Variants in C10orf90 observed in about 807,000 individuals in gnomAD.
C10orf90 encodes (E2-independent) E3 ubiquitin-conjugating enzyme FATS.
Under a neutral mutation model 62.5 loss-of-function variants are expected in C10orf90, and 56 were observed. The observed-to-expected ratio is 0.90, with a 90% CI of 0.72 to 1.12. C10orf90 has a LOEUF of 1.12. Among genes scored for constraint, C10orf90 ranks in the 50% most tolerant of loss-of-function variants. The pLI, the probability that C10orf90 is intolerant of heterozygous loss-of-function variation, is 0.00. For synonymous variants in C10orf90, 386 were observed against 340.4 expected, an observed-to-expected ratio of 1.13 and a Z score of -1.47; for missense variants, 970 against 880.4, an observed-to-expected ratio of 1.10 and a Z score of -1.29.
intron 2 of C10orf90, among the ~76,000 whole-genome samples, chr10:126,535,704 G>A (rs78940063): frequency 0.011 from 1,675 of 152,180 alleles, 38 homozygotes; most frequent in African/African-American, 0.038. Flanking sequence ...AAAAATGGCC[G>A]TTTCTTCCAC....
intron 4 of C10orf90, among the ~76,000 whole-genome samples, chr10:126,466,555 G>C (rs980460452): frequency 1.3e-5 from 2 of 152,172 alleles, no homozygotes; most frequent in Non-Finnish European, 2.9e-5. Flanking sequence ...AGGCTGTGTG[G>C]GGTGGGGCCA....
intron 2 of C10orf90, among the ~76,000 whole-genome samples, chr10:126,530,074 T>C (rs190914285): frequency 6.6e-6 from 1 of 152,312 alleles, no homozygotes; most frequent in Admixed American, 6.5e-5. Flanking sequence ...TATAAGACTG[T>C]TTATTGCATC....
chr10:126,593,602 A>T (rs533197679), intron 2 of C10orf90, among the ~76,000 whole-genome samples: 66 of 152,274 alleles, frequency 4.3e-4, no homozygotes, highest in Admixed American at 4.3e-3. Context: ...TGCTGGGCTT[A>T]ATACCTAGGA....
At chr10:126,626,796 T>C (rs1361036408) in intron 2 of C10orf90, among the ~76,000 whole-genome samples, 1 of 152,110 alleles carries the variant, frequency 6.6e-6, no homozygotes, top group African/African-American at 2.4e-5. Flanking sequence ...CCAGGAGCAT[T>C]CACCTTGATT....
rs1859348292 is a variant in C10orf90, at chr10:126,453,674, C to T, written c.2188+5366G>A. ...TAACTGCAGTGAGTACAGGCAGTAG[C>T]AGTAATTCATAACAAAGTGCTCGGC... On this transcript the variant is annotated intron_variant, in intron 7 of 9. Transcript: ENST00000488181. This position sits in a 1 kb window ranked among gnomAD's most constrained non-coding sequence, Gnocchi z 4.9. Among the ~76,000 whole-genome samples the T allele has an allele frequency of 6.6e-6, 1 of 152,028 alleles. No individual in the cohort carries two copies. The highest frequency in any genetic ancestry group is 1.5e-5 in the Non-Finnish European group (1 of 68,022).
intron 2 of C10orf90, among the ~76,000 whole-genome samples, chr10:126,574,019 G>C (rs1213727648): frequency 6.6e-6 from 1 of 152,074 alleles, no homozygotes; most frequent in Non-Finnish European, 1.5e-5. Context: ...TATGTTCTTT[G>C]CTCCACAACA....
At chr10:126,429,649 T>G (rs1346577543) in intron 8 of C10orf90, 138 bp downstream of exon 8, 2 of 665,262 alleles carry the variant, frequency 3.0e-6, no homozygotes, top group Non-Finnish European at 5.3e-6. Flanking sequence ...TAGCCGTTTT[T>G]TCAGATTTGC....
intron 1 of C10orf90, among the ~76,000 whole-genome samples, chr10:126,663,639 C>A (rs1043634347): frequency 3.3e-5 from 5 of 152,098 alleles, no homozygotes; most frequent in Non-Finnish European, 7.4e-5. Flanking sequence ...ACATCTGCCC[C>A]CACCCCCTGC....
intron 2 of C10orf90, among the ~76,000 whole-genome samples, chr10:126,515,680 G>A (rs761662512): frequency 1.3e-5 from 2 of 152,160 alleles, no homozygotes; most frequent in Non-Finnish European, 1.5e-5. Flanking sequence ...CTGCTTGACT[G>A]TAACTGAAAG....
At chr10:126,596,770 A>G (rs918085612) in intron 2 of C10orf90, among the ~76,000 whole-genome samples, 5 of 152,258 alleles carry the variant, frequency 3.3e-5, no homozygotes, top group Admixed American at 6.5e-5. Flanking sequence ...TTGAATGTGT[A>G]TCACTTTCAC....
At chr10:126,576,654 GATATGTATACATAT>G (rs1201510397) in intron 2 of C10orf90, among the ~76,000 whole-genome samples, 11 of 74,658 alleles carry the variant, frequency 1.5e-4, no homozygotes, top group Non-Finnish European at 2.6e-4. Flanking sequence ...CCACAGCCAA[GATATGTATACATAT>G]ATATGTATAC....
chr10:126,532,915 GTATTATTAT>G (rs200872045), intron 2 of C10orf90, among the ~76,000 whole-genome samples: 1 of 140,788 alleles, frequency 7.1e-6, no homozygotes, highest in South Asian at 2.2e-4. Flanking sequence ...GCTTGCTACT[GTATTATTAT>G]TATTATTATT....
At chr10:126,441,823 T>C (rs1028257845) in intron 7 of C10orf90, among the ~76,000 whole-genome samples, 6 of 152,046 alleles carry the variant, frequency 3.9e-5, no homozygotes, top group Non-Finnish European at 8.8e-5. Flanking sequence ...ATTTTTCAGA[T>C]AAACAAATGA....
chr10:126,525,581 A>C lies in C10orf90; in HGVS notation c.314-11642T>G, dbSNP rs139131638. On this transcript the variant is annotated intron_variant, in intron 2 of 9. Transcript: ENST00000488181. ...CAGCATGTGAAAGCCCAAGTTGTAA[A>C]TCTCTCATTATAAGAGCCATTAGCC... Among the ~76,000 whole-genome samples, 153 of 152,156 alleles carry C rather than the reference A, an allele frequency of 1.0e-3. 1 individual carries two copies. The highest frequency in any genetic ancestry group is 3.5e-3 in the African/African-American group (144 of 41,496).
intron 2 of C10orf90, among the ~76,000 whole-genome samples, chr10:126,588,848 G>A (rs1844926318): frequency 6.6e-6 from 1 of 152,162 alleles, no homozygotes; most frequent in Admixed American, 6.5e-5. Flanking sequence ...GAAATGGGCT[G>A]AAACAGATGG....
intron 2 of C10orf90, among the ~76,000 whole-genome samples, chr10:126,634,205 A>G (rs1458729110): frequency 1.3e-5 from 2 of 152,256 alleles, no homozygotes; most frequent in African/African-American, 2.4e-5. Context: ...CACTCTTCAC[A>G]GTATCCAAGA....
intron 1 of C10orf90, among the ~76,000 whole-genome samples, chr10:126,665,366 G>A (rs926086377): frequency 1.3e-5 from 2 of 152,300 alleles, no homozygotes; most frequent in African/African-American, 2.4e-5. Flanking sequence ...GAAAGGAAAT[G>A]TTCGCTTTAC....
chr10:126,474,514 T>C (rs1860751641), intron 4 of C10orf90, among the ~76,000 whole-genome samples: 1 of 152,152 alleles, frequency 6.6e-6, no homozygotes. Flanking sequence ...ATAGTGTAAG[T>C]ACAAATGTAT....
At chr10:126,494,531 C>T (rs541772280) in intron 4 of C10orf90, among the ~76,000 whole-genome samples, 6 of 152,116 alleles carry the variant, frequency 3.9e-5, no homozygotes, top group South Asian at 2.1e-4. Flanking sequence ...TCCTGTGGGG[C>T]GCACATGAAT....
Sources: gnomAD v4.1 joint callset for allele counts (sites outside exome capture counted in the v4.1 genomes callset) on GRCh38, gnomAD v4.1.1 for gene constraint, Gnocchi (gnomAD v3.1) non-coding constraint, MANE v1.5 for transcripts, NCBI Gene and HGNC (gene_info 2026-07-23, HGNC 2026-07-21) for gene names.